Variants in PTGIR observed in about 807,000 individuals in gnomAD.
PTGIR encodes the protein prostaglandin I2 receptor.
PTGIR carries 16 observed loss-of-function variants against 17.6 expected under a neutral mutation model. The observed-to-expected ratio is 0.91, with a 90% CI of 0.61 to 1.38. PTGIR has a LOEUF of 1.38. PTGIR is among the 40% of genes most tolerant of loss of function. PTGIR has a pLI of 0.00. For synonymous variants in PTGIR, 274 were observed against 255.4 expected, an observed-to-expected ratio of 1.07 and a Z score of -0.69; for missense variants, 532 against 548.6, an observed-to-expected ratio of 0.97 and a Z score of 0.30.
At chr19:46,619,537 GAAAGAA>G (rs1197429599), downstream of PTGIR, among the ~76,000 whole-genome samples, 11 of 58,152 alleles carry the variant, frequency 1.9e-4, no homozygotes, top group Non-Finnish European at 3.2e-4. Flanking sequence ...AAGAAAGAAA[GAAAGAA>G]AGAAAGAGAG....
At chr19:46,620,276 T>A (rs1403952981), downstream of PTGIR, among the ~76,000 whole-genome samples, 1 of 149,556 alleles carries the variant, frequency 6.7e-6, no homozygotes, top group Non-Finnish European at 1.5e-5. Context: ...ATTTTTAAAA[T>A]TTTTTTGTAG....
At chr19:46,615,128 G>A in the PTGIR span, among the ~76,000 whole-genome samples, 1 of 152,098 alleles carries the variant, frequency 6.6e-6, no homozygotes, top group Admixed American at 6.5e-5. Flanking sequence ...GGTGGAGGTT[G>A]CAGTGAGCCG....
At position 46,621,193 on chromosome 19, in the gene PTGIR, A is replaced by T. The variant is rs2052722026; in HGVS notation, c.*87T>A. The T allele has an allele frequency of 2.8e-6, 4 of 1,431,512 alleles. No homozygotes were observed. The highest frequency in any genetic ancestry group is 3.7e-6 in the Non-Finnish European group (4 of 1,088,496). 88.7% of individuals were successfully genotyped at this position (1,431,512 alleles called of 1,614,324 possible). A position where few individuals can be genotyped will look rare whatever the true frequency, so the allele number is the denominator to read the frequency against. On this transcript the variant is annotated 3_prime_UTR_variant, in exon 3 of 3. Coordinates refer to ENST00000291294, the MANE Select transcript of PTGIR (RefSeq NM_000960.4). This position sits in a 1 kb window ranked among gnomAD's most constrained non-coding sequence, Gnocchi z 4.8. ...CCCAGAGTTTGGGGGCCAAGGTTCCAGCATCCGCAGCCATCAGCCATGTCC... is the reference window on the plus strand; with the variant it reads ...CCCAGAGTTTGGGGGCCAAGGTTCCTGCATCCGCAGCCATCAGCCATGTCC...
rs911883865 is a variant in PTGIR at position 46,621,942 on chromosome 19, C to T, written c.769-270G>A. On this transcript the variant is annotated intron_variant, in intron 2 of 2. Coordinates refer to ENST00000291294, the MANE Select transcript of PTGIR (RefSeq NM_000960.4). This position sits in a 1 kb window ranked among gnomAD's most constrained non-coding sequence, Gnocchi z 4.8. Reference sequence around the variant, plus strand: ...AAGCTGGGAGGACCCTCGGGCTCCACAGATTTTTGAGTATAACGTCCCTGC... The same window carrying T: ...AAGCTGGGAGGACCCTCGGGCTCCATAGATTTTTGAGTATAACGTCCCTGC... The T allele has an allele frequency of 8.8e-6, 11 of 1,253,806 alleles. No individual in the cohort carries two copies. In the South Asian group the frequency reaches 2.4e-4, roughly 27 times the overall value. 77.7% of individuals were successfully genotyped at this position (1,253,806 alleles called of 1,614,324 possible). A position where few individuals can be genotyped will look rare whatever the true frequency, so the allele number is the denominator to read the frequency against.
At chr19:46,615,919 C>T (rs1306159757), downstream of PTGIR, among the ~76,000 whole-genome samples, 4 of 151,504 alleles carry the variant, frequency 2.6e-5, no homozygotes, top group Non-Finnish European at 5.9e-5. Context: ...CTCCCAACTC[C>T]ACCTCCCAAG....
downstream of PTGIR, chr19:46,620,433 T>A (rs199928576): frequency 1.0e-6 from 1 of 985,250 alleles, no homozygotes; most frequent in Middle Eastern, 5.2e-4. Flanking sequence ...ATGAATGAAA[T>A]CTTGGTGAGG....
chr19:46,616,758 A>C (rs1971968276), downstream of PTGIR, among the ~76,000 whole-genome samples: 1 of 152,204 alleles, frequency 6.6e-6, no homozygotes, highest in Non-Finnish European at 1.5e-5. Flanking sequence ...TTCTGAGGAC[A>C]GGGCTGTCTC....
chr19:46,620,753 C>A lies in PTGIR; in HGVS notation c.*527G>T. 1 of 986,056 alleles carries A rather than the reference C, an allele frequency of 1.0e-6. No homozygotes were observed. The highest frequency in any genetic ancestry group is 4.7e-5 in the South Asian group (1 of 21,292). The allele number at this position is 986,056 out of a possible 1,614,324, so 61.1% of individuals were successfully genotyped here. On this transcript the variant is annotated 3_prime_UTR_variant, in exon 3 of 3. Transcript: ENST00000291294. ...GTTGCCCCTTTGGGATGCCAGGGCT[C>A]CCAAGCCTGGTGGGGGACCAGCGGC...
At chr19:46,618,013 A>ATTTTTT (rs1457102030), downstream of PTGIR, among the ~76,000 whole-genome samples, 7 of 123,690 alleles carry the variant, frequency 5.7e-5, no homozygotes, top group Non-Finnish European at 1.2e-4. Context: ...TAATTTTTGT[A>ATTTTTT]ATTTTTTTTT....
At chr19:46,612,320 A>C in the PTGIR span, among the ~76,000 whole-genome samples, 1 of 152,158 alleles carries the variant, frequency 6.6e-6, no homozygotes, top group African/African-American at 2.4e-5. Context: ...TCCTGAGCTG[A>C]GGATTGGATG....
downstream of PTGIR, among the ~76,000 whole-genome samples, chr19:46,618,890 C>G (rs988447352): frequency 1.3e-5 from 2 of 152,172 alleles, no homozygotes; most frequent in Non-Finnish European, 2.9e-5. Context: ...TCAAAACACC[C>G]GAACCAGAGC....
At chr19:46,613,740 C>A in the PTGIR span, among the ~76,000 whole-genome samples, 1 of 152,186 alleles carries the variant, frequency 6.6e-6, no homozygotes, top group Non-Finnish European at 1.5e-5. Context: ...GGCTTGCCGG[C>A]AGGAGTCACT....
At chr19:46,613,120 T>C in the PTGIR span, among the ~76,000 whole-genome samples, 1 of 129,750 alleles carries the variant, frequency 7.7e-6, no homozygotes, top group Non-Finnish European at 1.6e-5. Flanking sequence ...CTCGGTTCAC[T>C]GCAACCTCTG....
At chr19:46,619,098 C>G (rs1972002174), downstream of PTGIR, among the ~76,000 whole-genome samples, 1 of 152,106 alleles carries the variant, frequency 6.6e-6, no homozygotes, top group Non-Finnish European at 1.5e-5. Context: ...ACCAAGGTGT[C>G]CCGGAGTGGA....
chr19:46,612,597 T>A, the PTGIR span, among the ~76,000 whole-genome samples: 1 of 152,110 alleles, frequency 6.6e-6, no homozygotes, highest in African/African-American at 2.4e-5. Flanking sequence ...GATCTAACCC[T>A]GAGGAGTCCA....
At chr19:46,623,065 T>A in intron 2 of PTGIR, 1 of 150,336 alleles carries the variant, frequency 6.7e-6, no homozygotes, top group Non-Finnish European at 1.4e-5. Context: ...CACTGCAACC[T>A]CCGCCTCCGG....
chr19:46,619,525 GAAA>G (rs1358156742), downstream of PTGIR, among the ~76,000 whole-genome samples: 12 of 47,336 alleles, frequency 2.5e-4, no homozygotes, highest in African/African-American at 1.2e-3. Flanking sequence ...AAGAAAGAAA[GAAA>G]GAAAGAAAGA....
intron 1 of PTGIR, 74 bp from the exon 2 acceptor site, chr19:46,624,311 T>G: frequency 6.6e-6 from 9 of 1,357,556 alleles, no homozygotes; most frequent in Middle Eastern, 2.7e-4. Flanking sequence ...CAGATGTCCC[T>G]GCTGGCCAGT....
chr19:46,623,599 G>A lies in PTGIR; in HGVS notation c.627C>T (p.Ser209=), dbSNP rs1474431133. 5 of 1,549,722 alleles carry A rather than the reference G, an allele frequency of 3.2e-6. No homozygotes were observed. In the Admixed American group the frequency reaches 5.9e-5, roughly 18 times the overall value. The stretch of plus-strand genomic sequence containing the variant: ...TCTGCTGGCGGTACATGCGGCAGAG[G>A]CTGAGGGTGACCGAGCCGTTGCAGA... ...IFLCNGSVTL[S]LCRMYRQQKR... is the part of the protein sequence containing the mutation. Residue 209 remains serine (S), a synonymous_variant, in exon 2 of 3, where the codon AGC becomes AGT. Transcript: ENST00000291294.
Sources: allele counts gnomAD v4.1 joint callset (sites outside exome capture counted in the v4.1 genomes callset), GRCh38; gene constraint gnomAD v4.1.1; non-coding constraint Gnocchi (gnomAD v3.1); transcripts MANE v1.5; gene names NCBI Gene and HGNC (gene_info 2026-07-23, HGNC 2026-07-21).